Variants in RASSF8 observed in about 807,000 individuals in gnomAD.
RASSF8 encodes the protein Ras association domain family member 8, also known as ras association domain-containing protein 8.
A neutral mutation model predicts 48.5 loss-of-function variants in RASSF8; 22 were observed. The observed-to-expected ratio is 0.45, with a 90% CI of 0.32 to 0.65. The LOEUF (loss-of-function observed/expected upper bound fraction) is 0.65, where lower values mean the gene tolerates loss of function less well. RASSF8 is among the 30% of genes least tolerant of loss of function. The pLI, the probability that RASSF8 is intolerant of heterozygous loss-of-function variation, is 0.03. For missense variants in RASSF8, 418 were observed against 489.2 expected (o/e 0.85, Z 1.37); for synonymous variants, 127 against 171.5 (o/e 0.74, Z 2.03).
chr12:25,969,279 A>T (rs984381470), intron 1 of RASSF8, among the ~76,000 whole-genome samples: 1 of 152,122 alleles, frequency 6.6e-6, no homozygotes, highest in Non-Finnish European at 1.5e-5. Flanking sequence ...TAAAAACCCA[A>T]CCGTCTGCCT....
rs1319638047 is a variant in RASSF8, at chr12:26,069,141, G to A, written c.*323G>A. 3.6e-5 allele frequency: 36 copies of A among 993,428 alleles called. No homozygotes were observed. Among genetic ancestry groups the A allele is most frequent in the Non-Finnish European group, 4.3e-5 (36 of 835,330 alleles). The allele number at this position is 993,428 out of a possible 1,614,324, so 61.5% of individuals were successfully genotyped here. A position where few individuals can be genotyped will look rare whatever the true frequency, so the allele number is the denominator to read the frequency against. On this transcript the variant is annotated 3_prime_UTR_variant, in exon 6 of 6. Transcript: ENST00000689635. ...TAAATAAGCCGTGACTTAAGTAAGA[G>A]TGAAGAGAAATTTGTGACTGGCTTA...
At chr12:26,053,576 C>G (rs1459290607) in intron 2 of RASSF8, among the ~76,000 whole-genome samples, 1 of 151,352 alleles carries the variant, frequency 6.6e-6, no homozygotes, top group Admixed American at 6.6e-5. Context: ...AGAAGTCTAG[C>G]TGTAAAGGAA....
intron 3 of RASSF8, among the ~76,000 whole-genome samples, chr12:26,058,126 T>G (rs1329127155): frequency 6.6e-6 from 1 of 152,102 alleles, no homozygotes; most frequent in Non-Finnish European, 1.5e-5. Flanking sequence ...TTTTACTTTC[T>G]CAATAACTCA....
At chr12:26,043,622 A>G (rs1347788545) in intron 2 of RASSF8, among the ~76,000 whole-genome samples, 2 of 152,250 alleles carry the variant, frequency 1.3e-5, no homozygotes, top group Admixed American at 6.5e-5. Context: ...GTTCCTAAGT[A>G]CAAGTGCTCA....
chr12:26,045,406 C>T (rs1269847653), intron 2 of RASSF8, among the ~76,000 whole-genome samples: 1 of 152,168 alleles, frequency 6.6e-6, no homozygotes, highest in African/African-American at 2.4e-5. Context: ...GCCACTCTGA[C>T]TCATGAGTCA....
rs1944022504 is a variant in RASSF8 at position 26,072,599 on chromosome 12, C to A, written c.*3781C>A. ...TGGTGATAGCCCTAAATGTATTTCT[C>A]AATATGTTTTTCTTTATTGACCCTA... On this transcript the variant is annotated 3_prime_UTR_variant, in exon 6 of 6. Transcript: ENST00000689635. 1.2e-5 allele frequency: 12 copies of A among 985,288 alleles called. No homozygotes were observed. Among genetic ancestry groups the A allele is most frequent in the Non-Finnish European group, 1.4e-5 (12 of 829,876 alleles). 61.0% of individuals were successfully genotyped at this position (985,288 alleles called of 1,614,324 possible). A position where few individuals can be genotyped will look rare whatever the true frequency, so the allele number is the denominator to read the frequency against.
intron 1 of RASSF8, among the ~76,000 whole-genome samples, chr12:25,981,374 C>T (rs1377186150): frequency 1.3e-5 from 2 of 152,128 alleles, no homozygotes; most frequent in African/African-American, 4.8e-5. Context: ...GTAACCTTCC[C>T]TCAACCCAAA....
intron 2 of RASSF8, among the ~76,000 whole-genome samples, chr12:25,995,636 T>C (rs1047061286): frequency 6.6e-6 from 1 of 152,020 alleles, no homozygotes; most frequent in African/African-American, 2.4e-5. Context: ...ATAATGTCTA[T>C]TATTGGCTTC....
downstream of RASSF8, among the ~76,000 whole-genome samples, chr12:26,074,256 T>G (rs762982134): frequency 2.6e-5 from 4 of 152,228 alleles, no homozygotes; most frequent in Non-Finnish European, 5.9e-5. Flanking sequence ...ATAAATATGC[T>G]GGATGCGTTT....
At chr12:26,013,874 A>T (rs1442434219) in intron 2 of RASSF8, among the ~76,000 whole-genome samples, 4 of 152,182 alleles carry the variant, frequency 2.6e-5, no homozygotes, top group Non-Finnish European at 5.9e-5. Flanking sequence ...ACCAGTTTTT[A>T]TTCTATACTT....
chr12:26,057,469 A>G (rs1000468143), intron 3 of RASSF8, among the ~76,000 whole-genome samples: 2 of 152,032 alleles, frequency 1.3e-5, no homozygotes, highest in African/African-American at 4.8e-5. Flanking sequence ...ATCCTTTTTT[A>G]TGGCTGCATA....
chr12:26,018,533 A>G (rs1219571463), intron 2 of RASSF8, among the ~76,000 whole-genome samples: 1 of 152,188 alleles, frequency 6.6e-6, no homozygotes, highest in African/African-American at 2.4e-5. Flanking sequence ...TGTGATTTTA[A>G]TTTCTTAGAG....
intron 1 of RASSF8, among the ~76,000 whole-genome samples, chr12:25,989,832 T>C (rs997017509): frequency 2.0e-5 from 3 of 152,038 alleles, no homozygotes; most frequent in Non-Finnish European, 4.4e-5. Flanking sequence ...GAACATTTGC[T>C]AAGAGCAGCA....
At chr12:26,050,052 G>A (rs1036653209) in intron 2 of RASSF8, among the ~76,000 whole-genome samples, 1 of 152,088 alleles carries the variant, frequency 6.6e-6, no homozygotes, top group Non-Finnish European at 1.5e-5. Flanking sequence ...CAAAGTGCTG[G>A]AATTACAGGC....
At chr12:26,015,777 A>T (rs1181311473) in intron 2 of RASSF8, among the ~76,000 whole-genome samples, 2 of 152,222 alleles carry the variant, frequency 1.3e-5, no homozygotes, top group African/African-American at 4.8e-5. Context: ...AAATTAAAGA[A>T]AATAACTCAT....
At chr12:25,977,137 A>C (rs1006005768) in intron 1 of RASSF8, among the ~76,000 whole-genome samples, 2 of 152,202 alleles carry the variant, frequency 1.3e-5, no homozygotes, top group African/African-American at 2.4e-5. Flanking sequence ...GCTGCAGATG[A>C]GATTAGCAAC....
At chr12:26,005,892 G>C (rs11834328) in intron 2 of RASSF8, among the ~76,000 whole-genome samples, 8 of 152,164 alleles carry the variant, frequency 5.3e-5, no homozygotes, top group Admixed American at 4.6e-4. Context: ...CAGTTTCCCT[G>C]TGATCTTCCT....
At chr12:26,048,341 A>AT (rs1943416726) in intron 2 of RASSF8, among the ~76,000 whole-genome samples, 1 of 152,200 alleles carries the variant, frequency 6.6e-6, no homozygotes, top group Non-Finnish European at 1.5e-5. Flanking sequence ...AACCAAATGT[A>AT]TTTTTGAGTG....
At chr12:26,000,357 T>G (rs1325904199) in intron 2 of RASSF8, among the ~76,000 whole-genome samples, 2 of 152,136 alleles carry the variant, frequency 1.3e-5, no homozygotes, top group Non-Finnish European at 2.9e-5. Context: ...AAGCAAATGT[T>G]AAATGGAATA....
Sources: allele counts gnomAD v4.1 joint callset (sites outside exome capture counted in the v4.1 genomes callset), GRCh38; gene constraint gnomAD v4.1.1; transcripts MANE v1.5; gene names NCBI Gene and HGNC (gene_info 2026-07-23, HGNC 2026-07-21).